The following NPAS3 variants were observed in gnomAD, a reference collection of about 807,000 sequenced individuals.
NPAS3 encodes the protein neuronal PAS domain protein 3, also known as neuronal PAS domain-containing protein 3.
A neutral mutation model predicts 73.1 loss-of-function variants in NPAS3; 14 were observed. The observed-to-expected ratio is 0.19, with a 90% CI of 0.13 to 0.30. NPAS3 has a LOEUF of 0.30. NPAS3 is among the 10% of genes least tolerant of loss of function. The pLI, the probability that NPAS3 is intolerant of heterozygous loss-of-function variation, is 1.00. For missense variants in NPAS3, 1,096 were observed against 1,250.0 expected, an observed-to-expected ratio of 0.88 and a Z score of 1.86; for synonymous variants, 620 against 541.5, an observed-to-expected ratio of 1.14 and a Z score of -2.01.
chr14:33,444,483 G>C (rs766810659), intron 4 of NPAS3, among the ~76,000 whole-genome samples: 13 of 152,232 alleles, frequency 8.5e-5, no homozygotes, highest in Non-Finnish European at 1.6e-4. Flanking sequence ...TGCAGATTCA[G>C]AGAAATTTGA....
chr14:33,164,150 CTT>C (rs1435878187), intron 2 of NPAS3, among the ~76,000 whole-genome samples: 1 of 152,176 alleles, frequency 6.6e-6, no homozygotes, highest in African/African-American at 2.4e-5. Flanking sequence ...TCTGATATGT[CTT>C]TTAAAGCAGA....
intron 6 of NPAS3, among the ~76,000 whole-genome samples, chr14:33,678,784 C>G (rs920792739): frequency 6.7e-6 from 1 of 149,442 alleles, no homozygotes; most frequent in Non-Finnish European, 1.5e-5. Context: ...GCCTGTAAAC[C>G]AGTTCTGCTA....
At chr14:33,482,783 C>T (rs949344365) in intron 4 of NPAS3, among the ~76,000 whole-genome samples, 1 of 152,084 alleles carries the variant, frequency 6.6e-6, no homozygotes, top group Non-Finnish European at 1.5e-5. Flanking sequence ...TCATGATCTC[C>T]CTCTGTCAGA....
intron 4 of NPAS3, among the ~76,000 whole-genome samples, chr14:33,552,928 C>T (rs2055186176): frequency 6.6e-6 from 1 of 152,198 alleles, no homozygotes; most frequent in Non-Finnish European, 1.5e-5. Context: ...TAACATACCA[C>T]ATGTGTGCAC....
chr14:33,273,289 C>G (rs1407548006), intron 3 of NPAS3, among the ~76,000 whole-genome samples: 1 of 152,200 alleles, frequency 6.6e-6, no homozygotes, highest in African/African-American at 2.4e-5. Context: ...TCATCCTCTG[C>G]TGGCCTCCCT....
At chr14:33,314,333 C>G (rs929947832) in intron 3 of NPAS3, among the ~76,000 whole-genome samples, 4 of 151,942 alleles carry the variant, frequency 2.6e-5, no homozygotes, top group African/African-American at 9.7e-5. Context: ...TCACATAGAA[C>G]AGTTAAAACA....
At chr14:33,389,097 G>T (rs1416719399) in intron 4 of NPAS3, among the ~76,000 whole-genome samples, 1 of 152,132 alleles carries the variant, frequency 6.6e-6, no homozygotes, top group Non-Finnish European at 1.5e-5. Context: ...AAAAAGATTG[G>T]TATCTTGGCA....
At chr14:33,222,475 G>A (rs1373678937) in intron 3 of NPAS3, among the ~76,000 whole-genome samples, 2 of 152,180 alleles carry the variant, frequency 1.3e-5, no homozygotes, top group African/African-American at 4.8e-5. Context: ...TCACATCCCA[G>A]CTCAGATGTC....
intron 3 of NPAS3, among the ~76,000 whole-genome samples, chr14:33,283,062 G>A (rs1445522109): frequency 6.6e-6 from 1 of 152,150 alleles, no homozygotes; most frequent in South Asian, 2.1e-4. Flanking sequence ...AGTCTATTAT[G>A]AGCACATTGT....
At chr14:33,409,488 A>T (rs2047821120) in intron 4 of NPAS3, among the ~76,000 whole-genome samples, 1 of 152,214 alleles carries the variant, frequency 6.6e-6, no homozygotes, top group Non-Finnish European at 1.5e-5. Flanking sequence ...ATCATTTTAA[A>T]AGATGACAAA....
At chr14:33,292,178 G>A (rs1270267708) in intron 3 of NPAS3, among the ~76,000 whole-genome samples, 4 of 152,080 alleles carry the variant, frequency 2.6e-5, no homozygotes, top group Non-Finnish European at 4.4e-5. Flanking sequence ...AAAAGCATCC[G>A]TTTGAAAAAG....
At chr14:33,476,204 T>G (rs2051028688) in intron 4 of NPAS3, among the ~76,000 whole-genome samples, 1 of 152,226 alleles carries the variant, frequency 6.6e-6, no homozygotes. Context: ...GATTGACCAT[T>G]CAACATAAAG....
chr14:32,935,113 C>A, upstream of NPAS3: 1 of 458,234 alleles, frequency 2.2e-6, no homozygotes, highest in Non-Finnish European at 3.1e-6. Context: ...ATTGCCAGGG[C>A]TCACTTTGCC....
At chr14:33,064,363 G>A (rs1017351862) in intron 2 of NPAS3, among the ~76,000 whole-genome samples, 4 of 152,066 alleles carry the variant, frequency 2.6e-5, no homozygotes, top group African/African-American at 7.2e-5. Context: ...ACAAAGGAAC[G>A]AAATTATGGT....
chr14:32,950,934 G>A (rs927437845), intron 1 of NPAS3, among the ~76,000 whole-genome samples: 3 of 152,060 alleles, frequency 2.0e-5, no homozygotes, highest in Non-Finnish European at 2.9e-5. Context: ...CAATCTTTGT[G>A]TACAACAATG....
At chr14:33,528,590 G>A (rs2053905692) in intron 4 of NPAS3, among the ~76,000 whole-genome samples, 2 of 151,936 alleles carry the variant, frequency 1.3e-5, no homozygotes, top group South Asian at 2.1e-4. Flanking sequence ...AATCCTTCAT[G>A]CTTTTGTCAG....
rs1401233692 is a variant in NPAS3 at position 33,604,458 on chromosome 14, AC to A, written c.558+44251del. Among the ~76,000 whole-genome samples the A allele has an allele frequency of 2.6e-5, 4 of 152,214 alleles. No homozygotes were observed. In the East Asian group the frequency reaches 7.7e-4, roughly 29 times the overall value. ...AAAAGGAACTATTTCATAAAAGGAC[AC>A]CCGAGTATAAAGCAGTACTGCTAAA... On this transcript the variant is annotated intron_variant, in intron 5 of 11. Transcript: ENST00000356141.
intron 1 of NPAS3, among the ~76,000 whole-genome samples, chr14:33,026,980 G>C (rs1221974543): frequency 6.6e-6 from 1 of 152,106 alleles, no homozygotes; most frequent in Admixed American, 6.5e-5. Flanking sequence ...GGACTCTCTA[G>C]GATCTGCCAG....
At chr14:33,022,156 A>G (rs1339303897) in intron 1 of NPAS3, among the ~76,000 whole-genome samples, 1 of 152,194 alleles carries the variant, frequency 6.6e-6, no homozygotes, top group Non-Finnish European at 1.5e-5. Context: ...TAAAAGGTAT[A>G]TTTACCTTTG....
Sources: allele counts gnomAD v4.1 joint callset (sites outside exome capture counted in the v4.1 genomes callset), GRCh38; gene constraint gnomAD v4.1.1; transcripts MANE v1.5; gene names NCBI Gene and HGNC (gene_info 2026-07-23, HGNC 2026-07-21).